The following GNAQ variants were observed in gnomAD, a reference collection of about 807,000 sequenced individuals.
GNAQ encodes guanine nucleotide-binding protein G(q) subunit alpha.
Under a neutral mutation model 43.9 loss-of-function variants are expected in GNAQ, and 8 were observed. The observed-to-expected ratio is 0.18, with a 90% CI of 0.11 to 0.33. GNAQ has a LOEUF of 0.33. Ranked by LOEUF, GNAQ falls within the 10% of genes least tolerant of loss-of-function variation. The probability of loss-of-function intolerance (pLI) is 1.00; values close to 1 mark genes in which losing one functional copy is unlikely to be tolerated. For synonymous variants in GNAQ, 155 were observed against 170.7 expected (o/e 0.91, Z 0.71); for missense variants, 158 against 450.8 (o/e 0.35, Z 5.88).
At chr9:77,970,405 A>G (rs77811537) in intron 1 of GNAQ, among the ~76,000 whole-genome samples, 2 of 152,148 alleles carry the variant, frequency 1.3e-5, no homozygotes, top group African/African-American at 2.4e-5. Flanking sequence ...GCCCAACTGC[A>G]CACACACATC....
At chr9:77,949,355 A>T (rs1233300211) in intron 1 of GNAQ, among the ~76,000 whole-genome samples, 1 of 152,200 alleles carries the variant, frequency 6.6e-6, no homozygotes, top group Admixed American at 6.5e-5. Context: ...GGGGAGTGAG[A>T]CAGATTGTCA....
rs1274948916 is a variant in GNAQ, at chr9:77,716,663, G to C, written c.*4660C>G. ...ATGTTCTACCAACGAATACCTTTCT[G>C]TTTTTTCTGTCTACCAAAAGCTTAT... On this transcript the variant is annotated 3_prime_UTR_variant, in exon 7 of 7. Transcript: ENST00000286548. 4.3e-6 allele frequency: 1 copy of C among 232,672 alleles called. No individual in the cohort carries two copies. Among genetic ancestry groups the C allele is most frequent in the African/African-American group, 2.2e-5 (1 of 45,292 alleles). 14.4% of individuals were successfully genotyped at this position (232,672 alleles called of 1,614,324 possible).
At chr9:77,994,867 C>G (rs1350131370) in intron 1 of GNAQ, among the ~76,000 whole-genome samples, 2 of 152,144 alleles carry the variant, frequency 1.3e-5, no homozygotes, top group African/African-American at 4.8e-5. Context: ...CCATATATGA[C>G]TAATGCTAGG....
chr9:77,980,347 G>A (rs1438449726), intron 1 of GNAQ, among the ~76,000 whole-genome samples: 1 of 152,192 alleles, frequency 6.6e-6, no homozygotes, highest in East Asian at 1.9e-4. Context: ...TGAGGACTGA[G>A]CATCAAGCTG....
At chr9:77,797,694 C>T (rs748065096) in intron 3 of GNAQ, 46 bp from the exon 4 acceptor site, 1 of 1,585,920 alleles carries the variant, frequency 6.3e-7, no homozygotes, top group Non-Finnish European at 8.6e-7. Context: ...CACCATCACA[C>T]CAAAGCTGTC....
At chr9:77,932,023 C>T (rs896523522) in intron 1 of GNAQ, among the ~76,000 whole-genome samples, 1 of 152,092 alleles carries the variant, frequency 6.6e-6, no homozygotes, top group Non-Finnish European at 1.5e-5. Context: ...TTTTAAAAGT[C>T]AAAATTAATA....
chr9:77,870,349 T>A (rs1035069982), intron 2 of GNAQ, among the ~76,000 whole-genome samples: 6 of 141,514 alleles, frequency 4.2e-5, no homozygotes, highest in African/African-American at 1.7e-4. Context: ...TTTTTTTTTT[T>A]AGACGGAGTT....
At chr9:77,883,345 A>G (rs1828245619) in intron 2 of GNAQ, among the ~76,000 whole-genome samples, 1 of 152,142 alleles carries the variant, frequency 6.6e-6, no homozygotes, top group African/African-American at 2.4e-5. Context: ...CACCTCATGT[A>G]CCTTCATTCT....
Position 77,728,685 on chromosome 9 carries a change from ATC to A in GNAQ, c.736-20_736-19del. On this transcript the variant is annotated intron_variant, in intron 5 of 6. Coordinates refer to ENST00000286548, the MANE Select transcript of GNAQ (RefSeq NM_002072.5). ...ATTCGGTTCTGGAAAAAAAAAAAAAATCAGAAAAAACAAGGAGTGAATTACAT... is the reference window on the plus strand; with the variant it reads ...ATTCGGTTCTGGAAAAAAAAAAAAAAAGAAAAAACAAGGAGTGAATTACAT... The A allele has an allele frequency of 5.9e-6, 9 of 1,530,418 alleles. No individual in the cohort carries two copies. Among genetic ancestry groups the A allele is most frequent in the Non-Finnish European group, 8.0e-6 (9 of 1,128,178 alleles). 94.8% of individuals were successfully genotyped at this position (1,530,418 alleles called of 1,614,324 possible). A position where few individuals can be genotyped will look rare whatever the true frequency, so the allele number is the denominator to read the frequency against.
intron 2 of GNAQ, among the ~76,000 whole-genome samples, chr9:77,873,199 T>C (rs1828070409): frequency 6.6e-6 from 1 of 152,232 alleles, no homozygotes; most frequent in Non-Finnish European, 1.5e-5. Context: ...AGATGTTTAC[T>C]AGCACAATGA....
intron 2 of GNAQ, among the ~76,000 whole-genome samples, chr9:77,914,187 T>C (rs1378799305): frequency 6.6e-6 from 1 of 152,114 alleles, no homozygotes; most frequent in Non-Finnish European, 1.5e-5. Context: ...TGCAAGATAT[T>C]AAAAGAGAAA....
rs750322177 is a variant in GNAQ, at chr9:77,744,830, AG to A, written c.736-16164del. ...CAACTTGGATTTAAATAAAATCTCC[AG>A]GAACTTCCAGGAAAAAACTATTTAC... is the stretch of plus-strand genomic sequence containing the variant. On this transcript the variant is annotated intron_variant, in intron 5 of 6. Coordinates refer to ENST00000286548, the MANE Select transcript of GNAQ (RefSeq NM_002072.5). Among the ~76,000 whole-genome samples, 28 of 152,320 alleles carry A rather than the reference AG, an allele frequency of 1.8e-4. No individual in the cohort carries two copies. The South Asian group carries it at 1.9e-3, about 10-fold the overall frequency.
chr9:77,990,391 T>A (rs1007192576), intron 1 of GNAQ, among the ~76,000 whole-genome samples: 4 of 152,172 alleles, frequency 2.6e-5, no homozygotes, highest in Non-Finnish European at 2.9e-5. Context: ...CATTAATTTT[T>A]AAAAATTTTT....
At chr9:77,806,769 G>A (rs954940298) in intron 3 of GNAQ, among the ~76,000 whole-genome samples, 1 of 152,148 alleles carries the variant, frequency 6.6e-6, no homozygotes, top group African/African-American at 2.4e-5. Context: ...TCTACAGTAA[G>A]CTAGGCACTA....
intron 1 of GNAQ, among the ~76,000 whole-genome samples, chr9:77,998,182 C>G (rs1034011551): frequency 6.6e-6 from 1 of 152,228 alleles, no homozygotes; most frequent in African/African-American, 2.4e-5. Flanking sequence ...TGAAGTCCGC[C>G]TCAGGCATTC....
chr9:77,960,531 T>C (rs1365231090), intron 1 of GNAQ, among the ~76,000 whole-genome samples: 1 of 152,156 alleles, frequency 6.6e-6, no homozygotes, highest in Non-Finnish European at 1.5e-5. Context: ...AGGTGGTTGG[T>C]GGCTGTGTGC....
At chr9:77,971,350 C>T (rs1322943316) in intron 1 of GNAQ, among the ~76,000 whole-genome samples, 2 of 152,172 alleles carry the variant, frequency 1.3e-5, no homozygotes, top group African/African-American at 4.8e-5. Flanking sequence ...AGGCCAATAT[C>T]CCTGATGAAC....
intron 1 of GNAQ, among the ~76,000 whole-genome samples, chr9:77,937,697 AGTCTGACCAACAT>A (rs1191540536): frequency 6.6e-6 from 1 of 152,084 alleles, no homozygotes; most frequent in Non-Finnish European, 1.5e-5. Context: ...GTTCGAAATC[AGTCTGACCAACAT>A]GGTGAAACCC....
intron 5 of GNAQ, among the ~76,000 whole-genome samples, chr9:77,729,992 T>G (rs1300518275): frequency 1.3e-5 from 2 of 152,208 alleles, no homozygotes; most frequent in Non-Finnish European, 2.9e-5. Flanking sequence ...GAACCTTGCT[T>G]TCATGCAGAG....
Sources: gnomAD v4.1 joint callset for allele counts (sites outside exome capture counted in the v4.1 genomes callset) on GRCh38, gnomAD v4.1.1 for gene constraint, MANE v1.5 for transcripts, NCBI Gene and HGNC (gene_info 2026-07-23, HGNC 2026-07-21) for gene names.